The following GJA1 variants were observed in gnomAD, a reference collection of about 807,000 sequenced individuals.
GJA1 encodes the protein gap junction protein alpha 1, also known as gap junction alpha-1 protein.
GJA1 carries 9 observed loss-of-function variants against 31.0 expected under a neutral mutation model. The observed-to-expected ratio is 0.29, with a 90% confidence interval of 0.17 to 0.51. The LOEUF is 0.51. Ranked by LOEUF, GJA1 falls within the 20% of genes least tolerant of loss-of-function variation. GJA1 has a pLI of 0.98. For missense variants in GJA1, 278 were observed against 468.8 expected (o/e 0.59, Z 3.76); for synonymous variants, 186 against 180.1 (o/e 1.03, Z -0.26).
chr6:121,437,240 G>A (rs1364385710), intron 1 of GJA1, among the ~76,000 whole-genome samples: 22 of 152,200 alleles, frequency 1.4e-4, no homozygotes, highest in Admixed American at 1.3e-3. Context: ...AAAGGAACCC[G>A]GGGTGCGGGG....
intron 1 of GJA1, among the ~76,000 whole-genome samples, chr6:121,444,193 T>C (rs1773845890): frequency 6.6e-6 from 1 of 152,212 alleles, no homozygotes; most frequent in Non-Finnish European, 1.5e-5. Context: ...TTTGTTCTTA[T>C]TTGACTGCTG....
chr6:121,443,317 A>G (rs997233199), intron 1 of GJA1, among the ~76,000 whole-genome samples: 1 of 152,170 alleles, frequency 6.6e-6, no homozygotes, highest in African/African-American at 2.4e-5. Flanking sequence ...ACATTATTTG[A>G]TGGTATCTAT....
rs1189422011 is a variant in GJA1, at chr6:121,447,004, C to G, written c.157C>G (p.Arg53Gly). The G allele has an allele frequency of 6.2e-7, 1 of 1,614,046 alleles. No individual in the cohort carries two copies. The highest frequency in any genetic ancestry group is 8.5e-7 in the Non-Finnish European group (1 of 1,179,944). The change falls in exon 2 of 2, where the codon CGT becomes GGT. Residue 53 changes from arginine to glycine, a missense_variant. Physicochemically the swap from Arg to Gly is moderately radical, Grantham distance 125 (BLOSUM62 -2). This residue lies in a region of GJA1 where 26 missense variants were observed against 114.4 expected (regional missense o/e 0.23). Transcript: ENST00000282561. ...CTGGGGAGATGAGCAGTCTGCCTTTCGTTGTAACACTCAGCAACCTGGTTG... is the reference window on the plus strand; with the variant it reads ...CTGGGGAGATGAGCAGTCTGCCTTTGGTTGTAACACTCAGCAACCTGGTTG... Reference protein sequence around the residue: ...SAWGDEQSAFRCNTQQPGCEN... With the variant: ...SAWGDEQSAFGCNTQQPGCEN...
At chr6:121,440,522 A>T (rs1261349096) in intron 1 of GJA1, among the ~76,000 whole-genome samples, 1 of 152,136 alleles carries the variant, frequency 6.6e-6, no homozygotes, top group African/African-American at 2.4e-5. Flanking sequence ...ATTTAACAGT[A>T]TGAGAATGAG....
At chr6:121,439,765 T>C (rs893347271) in intron 1 of GJA1, among the ~76,000 whole-genome samples, 4 of 152,226 alleles carry the variant, frequency 2.6e-5, no homozygotes, top group African/African-American at 9.7e-5. Flanking sequence ...GGTGTTTTTA[T>C]GTTGTCCTCC....
At position 121,447,355 on chromosome 6, in the gene GJA1, T is replaced by C. The variant is rs377077470; in HGVS notation, c.508T>C (p.Leu170=). The change falls in exon 2 of 2, where the codon TTG becomes CTG. Residue 170 remains leucine, a synonymous_variant. Coordinates refer to ENST00000282561, the MANE Select transcript of GJA1 (RefSeq NM_000165.5). ...CAAGTCTATCTTTGAGGTGGCCTTC[T>C]TGCTGATCCAGTGGTACATCTATGG... ...LFKSIFEVAF[L]LIQWYIYGFS... is the part of the protein sequence containing the mutation. 15 of 1,614,140 alleles carry C rather than the reference T, an allele frequency of 9.3e-6. 1 individual carries two copies. The highest frequency in any genetic ancestry group is 1.6e-4 in the Middle Eastern group (1 of 6,062).
intron 1 of GJA1, among the ~76,000 whole-genome samples, chr6:121,438,116 T>C (rs2114270482): frequency 6.6e-6 from 1 of 152,288 alleles, no homozygotes; most frequent in South Asian, 2.1e-4. Flanking sequence ...TACATTCCAT[T>C]CCGTCCTGGC....
At chr6:121,440,842 A>C (rs1356686779) in intron 1 of GJA1, among the ~76,000 whole-genome samples, 17 of 144,500 alleles carry the variant, frequency 1.2e-4, no homozygotes, top group South Asian at 2.2e-4. Flanking sequence ...CCCGGGTTCA[A>C]GCAATTCTCC....
At chr6:121,436,955 T>C (rs902026518) in intron 1 of GJA1, among the ~76,000 whole-genome samples, 1 of 152,222 alleles carries the variant, frequency 6.6e-6, no homozygotes, top group South Asian at 2.1e-4. Context: ...CGGTAAAGAT[T>C]TTCTGTTCTG....
intron 1 of GJA1, among the ~76,000 whole-genome samples, chr6:121,444,200 G>A (rs902461422): frequency 1.3e-5 from 2 of 152,016 alleles, no homozygotes; most frequent in Admixed American, 1.3e-4. Context: ...TTATTTGACT[G>A]CTGTTTTAAA....
intron 1 of GJA1, among the ~76,000 whole-genome samples, chr6:121,436,706 G>GT (rs1773668595): frequency 6.6e-6 from 1 of 151,882 alleles, no homozygotes; most frequent in Non-Finnish European, 1.5e-5. Flanking sequence ...AGAAAGAGCA[G>GT]GAAAAAAACT....
chr6:121,446,744 G>T (rs1356367586), intron 1 of GJA1, 88 bp from the exon 2 acceptor site: 2 of 879,628 alleles, frequency 2.3e-6, no homozygotes, highest in Non-Finnish European at 3.9e-6. Flanking sequence ...ACCGTTGGTA[G>T]TATTTTGACT....
chr6:121,440,120 G>C (rs143409106), intron 1 of GJA1, among the ~76,000 whole-genome samples: 32 of 152,218 alleles, frequency 2.1e-4, no homozygotes, highest in African/African-American at 6.7e-4. Flanking sequence ...TCTTGTAATA[G>C]TGTCCTTGTC....
intron 1 of GJA1, among the ~76,000 whole-genome samples, chr6:121,436,892 T>C (rs1383514846): frequency 1.3e-5 from 2 of 152,220 alleles, no homozygotes; most frequent in East Asian, 3.8e-4. Context: ...AAAATACTTT[T>C]ATTGGTAACA....
At chr6:121,440,882 C>T (rs1279058169) in intron 1 of GJA1, among the ~76,000 whole-genome samples, 1 of 151,996 alleles carries the variant, frequency 6.6e-6, no homozygotes, top group South Asian at 2.1e-4. Context: ...GCTGGGATTA[C>T]AGGCACCCGC....
At chr6:121,439,636 C>A (rs564574534) in intron 1 of GJA1, among the ~76,000 whole-genome samples, 95 of 152,210 alleles carry the variant, frequency 6.2e-4, no homozygotes, top group African/African-American at 2.3e-3. Context: ...TTATGGGATG[C>A]ACCATCCTCT....
Position 121,446,929 on chromosome 6 carries a change from G to A in GJA1, c.82G>A (p.Val28Ile). Residue 28 changes from valine to isoleucine, a missense_variant, in exon 2 of 2, where the codon GTA (valine) becomes ATA (isoleucine). Physicochemically the swap from Val to Ile is conservative, Grantham distance 29. This residue lies in a region of GJA1 where 26 missense variants were observed against 114.4 expected (regional missense o/e 0.23). Coordinates refer to ENST00000282561, the MANE Select transcript of GJA1 (RefSeq NM_000165.5). ...STAGGKVWLSVLFIFRILLLG... is the reference protein window; with the variant it reads ...STAGGKVWLSILFIFRILLLG... ...TGCTGGAGGGAAGGTGTGGCTGTCAGTACTTTTCATTTTCCGAATCCTGCT... is the reference window on the plus strand; with the variant it reads ...TGCTGGAGGGAAGGTGTGGCTGTCAATACTTTTCATTTTCCGAATCCTGCT... The A allele has an allele frequency of 6.2e-7, 1 of 1,613,986 alleles. No homozygotes were observed. Among genetic ancestry groups the A allele is most frequent in the Non-Finnish European group, 8.5e-7 (1 of 1,179,826 alleles).
chr6:121,441,289 A>G (rs1773776930), intron 1 of GJA1, among the ~76,000 whole-genome samples: 1 of 150,990 alleles, frequency 6.6e-6, no homozygotes, highest in Non-Finnish European at 1.5e-5. Flanking sequence ...GGATTTCACT[A>G]TGTTGGCCAG....
In GJA1 at chr6:121,449,318, A is replaced by T. The variant is rs12212865; in HGVS notation, c.*1322A>T. The stretch of plus-strand genomic sequence containing the variant: ...CCTACTTAATACACAGTAATTCAGA[A>T]CTTGTATTCTATTATGAGTTTAGCA... On this transcript the variant is annotated 3_prime_UTR_variant, in exon 2 of 2. Transcript: ENST00000282561. The T allele has an allele frequency of 0.081, 13,547 of 167,186 alleles. 781 individuals carry two copies. The highest frequency in any genetic ancestry group is 0.12 in the Non-Finnish European group (8,190 of 68,098). The allele number at this position is 167,186 out of a possible 1,614,324, so 10.4% of individuals were successfully genotyped here. A position where few individuals can be genotyped will look rare whatever the true frequency, so the allele number is the denominator to read the frequency against.
Sources: allele counts gnomAD v4.1 joint callset (sites outside exome capture counted in the v4.1 genomes callset), GRCh38; gene constraint gnomAD v4.1.1; regional missense constraint gnomAD v4.1.1; transcripts MANE v1.5; gene names NCBI Gene and HGNC (gene_info 2026-07-23, HGNC 2026-07-21).